Variants in ENPP7 observed in about 807,000 individuals in gnomAD.
The protein encoded by ENPP7 is ectonucleotide pyrophosphatase/phosphodiesterase 7, also known as ectonucleotide pyrophosphatase/phosphodiesterase family member 7.
In ENPP7, 39 loss-of-function variants were observed where a neutral mutation model predicts 33.6. That is an observed-to-expected ratio of 1.16 (90% CI 0.90 to 1.52). The LOEUF (loss-of-function observed/expected upper bound fraction) is 1.52. ENPP7 is among the 40% of genes most tolerant of loss of function. The pLI is 0.00. For synonymous variants in ENPP7, 244 were observed against 274.3 expected, an observed-to-expected ratio of 0.89 and a Z score of 1.09; for missense variants, 594 against 641.0, an observed-to-expected ratio of 0.93 and a Z score of 0.79.
chr17:79,736,053 G>A (rs953974622), intron 3 of ENPP7, among the ~76,000 whole-genome samples: 3 of 152,076 alleles, frequency 2.0e-5, no homozygotes, highest in African/African-American at 7.3e-5. Context: ...ACAGGCGCCT[G>A]CCACCATGCC....
chr17:79,737,980 C>T lies in ENPP7; in HGVS notation c.1311C>T (p.Pro437=). 3 of 1,613,790 alleles carry T rather than the reference C, an allele frequency of 1.9e-6. No individual in the cohort carries two copies. Residue 437 remains proline, a synonymous_variant, in exon 5 of 6, where the codon CCC becomes CCT. Coordinates refer to ENST00000328313, the MANE Select transcript of ENPP7 (RefSeq NM_178543.5). This position sits in a 1 kb window ranked among gnomAD's most constrained non-coding sequence, Gnocchi z 5.5. ...LLPKGRSALP[P]SSRPLLVMGL... ...CCAAGGGAAGATCTGCTCTCCCGCC[C>T]AGCAGCAGGCCCCTCCTCGTGATGG...
chr17:79,740,495 G>A (rs1555824381), intron 5 of ENPP7, among the ~76,000 whole-genome samples: 2 of 152,184 alleles, frequency 1.3e-5, no homozygotes, highest in African/African-American at 2.4e-5. Context: ...CTTGGGTCCT[G>A]AAGCAAGTCT....
intron 1 of ENPP7, among the ~76,000 whole-genome samples, chr17:79,732,006 G>A (rs755334029): frequency 1.3e-4 from 20 of 151,248 alleles, no homozygotes; most frequent in Non-Finnish European, 2.7e-4. Context: ...GCTGAGACAG[G>A]AGAATTGCAT....
At chr17:79,736,152 G>C (rs375110848) in intron 3 of ENPP7, among the ~76,000 whole-genome samples, 2 of 152,118 alleles carry the variant, frequency 1.3e-5, no homozygotes, top group Admixed American at 1.3e-4. Flanking sequence ...CGATCCACCC[G>C]CCTCAGCCTC....
chr17:79,741,886 C>G lies in ENPP7; in HGVS notation c.*109C>G, dbSNP rs1431337154. On this transcript the variant is annotated 3_prime_UTR_variant, in exon 6 of 6. Coordinates refer to ENST00000328313, the MANE Select transcript of ENPP7 (RefSeq NM_178543.5). Reference sequence around the variant, plus strand: ...ACGGACCCTGCCTCCCCAGCTTATCCCAGGCCAGAGGCTGCATGCCACTGT... The same window carrying G: ...ACGGACCCTGCCTCCCCAGCTTATCGCAGGCCAGAGGCTGCATGCCACTGT... 1 of 985,574 alleles carries G rather than the reference C, an allele frequency of 1.0e-6. No homozygotes were observed. The highest frequency in any genetic ancestry group is 1.2e-6 in the Non-Finnish European group (1 of 830,152). The allele number at this position is 985,574 out of a possible 1,614,324, so 61.1% of individuals were successfully genotyped here. A position where few individuals can be genotyped will look rare whatever the true frequency, so the allele number is the denominator to read the frequency against.
chr17:79,734,917 A>G, intron 2 of ENPP7, 126 bp from the exon 3 acceptor site: 1 of 953,352 alleles, frequency 1.0e-6, no homozygotes, highest in Non-Finnish European at 1.5e-6. Flanking sequence ...CCGCAGCTGC[A>G]GCTAGGAGCA....
rs150755220 is a variant in ENPP7 at position 79,735,304 on chromosome 17, C to G, written c.661C>G (p.Arg221Gly). Residue 221 changes from arginine (R) to glycine (G), a missense_variant, in exon 3 of 6, where the codon CGG (arginine) becomes GGG (glycine). By Grantham distance (125) the Arg-to-Gly change is moderately radical. This residue lies in a region of ENPP7 where 504 missense variants were observed against 512.8 expected (regional missense o/e 0.98). Transcript: ENST00000328313. The surrounding 1 kb of genome is among the most constrained non-coding windows in gnomAD (Gnocchi z 5.5). Reference sequence around the variant, plus strand: ...GAGGGAGATGGTGCGGCAGGTGGACCGGACCGTGGGCTACCTCCGGGAGAG... The same window carrying G: ...GAGGGAGATGGTGCGGCAGGTGGACGGGACCGTGGGCTACCTCCGGGAGAG... ...ERREMVRQVD[R>G]TVGYLRESIA... 2 of 1,613,170 alleles carry G rather than the reference C, an allele frequency of 1.2e-6. No homozygotes were observed. The highest frequency in any genetic ancestry group is 4.5e-5 in the East Asian group (2 of 44,874).
intron 3 of ENPP7, among the ~76,000 whole-genome samples, chr17:79,736,753 G>C (rs1442890456): frequency 6.6e-6 from 1 of 152,228 alleles, no homozygotes; most frequent in Non-Finnish European, 1.5e-5. Context: ...ATGGGAGGCA[G>C]CGTTCAACAC....
chr17:79,737,842 C>A lies in ENPP7; in HGVS notation c.1247-74C>A, dbSNP rs1555823940. 14 of 1,549,834 alleles carry A rather than the reference C, an allele frequency of 9.0e-6. No individual in the cohort carries two copies. Among genetic ancestry groups the A allele is most frequent in the African/African-American group, 6.8e-5 (5 of 73,612 alleles). On this transcript the variant is annotated intron_variant, in intron 4 of 5. Transcript: ENST00000328313. This position sits in a 1 kb window ranked among gnomAD's most constrained non-coding sequence, Gnocchi z 5.5. Reference sequence around the variant, plus strand: ...GGGCTCGTGGGGACCAACAGAGGACCCCGAGTTTACTGTGGAGAGGCTGGG... The same window carrying A: ...GGGCTCGTGGGGACCAACAGAGGACACCGAGTTTACTGTGGAGAGGCTGGG...
rs1481812605 is a variant in ENPP7, at chr17:79,739,436, G to C, written c.*16+1374G>C. The C allele has an allele frequency of 6.6e-6, 1 of 152,370 alleles. No homozygotes were observed. 9.4% of individuals were successfully genotyped at this position (152,370 alleles called of 1,614,324 possible). On this transcript the variant is annotated intron_variant, in intron 5 of 5. Transcript: ENST00000328313. This position sits in a 1 kb window ranked among gnomAD's most constrained non-coding sequence, Gnocchi z 4.4. ...TTGGAGGTGGCTGCAGGACCCAGCCGGACATTCCAGTGGCGGGGTGGAGAA... is the reference window on the plus strand; with the variant it reads ...TTGGAGGTGGCTGCAGGACCCAGCCCGACATTCCAGTGGCGGGGTGGAGAA...
chr17:79,736,344 T>C (rs781935692), intron 3 of ENPP7, among the ~76,000 whole-genome samples: 2 of 152,204 alleles, frequency 1.3e-5, no homozygotes, highest in Non-Finnish European at 2.9e-5. Flanking sequence ...TGGCCTCTCC[T>C]TCCATCTCCA....
At chr17:79,733,392 C>T (rs1568485652) in intron 1 of ENPP7, 116 bp from the exon 2 acceptor site, 1 of 1,105,968 alleles carries the variant, frequency 9.0e-7, no homozygotes, top group Non-Finnish European at 1.3e-6. Flanking sequence ...GCCCACTCCC[C>T]ACCCAGCACA....
Position 79,737,958 on chromosome 17 carries a change from A to G in ENPP7, c.1289A>G (p.Lys430Arg), listed in dbSNP as rs201434005. 10 of 1,613,844 alleles carry G rather than the reference A, an allele frequency of 6.2e-6. No homozygotes were observed. Among genetic ancestry groups the G allele is most frequent in the Non-Finnish European group, 7.6e-6 (9 of 1,180,008 alleles). The change falls in exon 5 of 6, where the codon AAG becomes AGG. Residue 430 changes from lysine to arginine, a missense_variant. Transcript: ENST00000328313. This position sits in a 1 kb window ranked among gnomAD's most constrained non-coding sequence, Gnocchi z 5.5. ...GATGGAAGGCCTACTCTCCTGCCCAAGGGAAGATCTGCTCTCCCGCCCAGC... is the reference window on the plus strand; with the variant it reads ...GATGGAAGGCCTACTCTCCTGCCCAGGGGAAGATCTGCTCTCCCGCCCAGC... ...PPDGRPTLLPKGRSALPPSSR... is the reference protein window; with the variant it reads ...PPDGRPTLLPRGRSALPPSSR...
At chr17:79,732,136 A>ATATATATACATATATATATG (rs2094287319) in intron 1 of ENPP7, among the ~76,000 whole-genome samples, 1 of 47,022 alleles carries the variant, frequency 2.1e-5, no homozygotes, top group Non-Finnish European at 3.7e-5. Flanking sequence ...ATATATGTAT[A>ATATATATACATATATATATG]TATATATATA....
At chr17:79,733,949 G>A (rs1008769700) in intron 2 of ENPP7, among the ~76,000 whole-genome samples, 3 of 152,204 alleles carry the variant, frequency 2.0e-5, no homozygotes, top group African/African-American at 7.2e-5. Context: ...CCTAGTCGGA[G>A]GGAGAACTGC....
intron 5 of ENPP7, among the ~76,000 whole-genome samples, chr17:79,740,479 C>T (rs1555824380): frequency 6.6e-6 from 1 of 152,114 alleles, no homozygotes; most frequent in Non-Finnish European, 1.5e-5. Context: ...TCTCTGTGCT[C>T]AGGGGCTTGG....
chr17:79,735,463 G>C lies in ENPP7; in HGVS notation c.820G>C (p.Glu274Gln), dbSNP rs369080546. 9 of 1,613,936 alleles carry C rather than the reference G, an allele frequency of 5.6e-6. No homozygotes were observed. The highest frequency in any genetic ancestry group is 1.3e-5 in the African/African-American group (1 of 74,904). ...KFPNFTFRDI[E>Q]FELLDYGPNG... ...CCCCAACTTCACCTTCCGGGACATC[G>C]AGTTTGAGCTCCTGGACTACGGACC... The change falls in exon 3 of 6, where the codon GAG becomes CAG. Residue 274 changes from glutamate (E) to glutamine (Q), a missense_variant. Around this residue, in one of 3 missense-constraint regions of ENPP7, gnomAD observed 504 missense variants for 512.8 expected, o/e 0.98. Transcript: ENST00000328313. The surrounding 1 kb of genome is among the most constrained non-coding windows in gnomAD (Gnocchi z 5.5).
intron 5 of ENPP7, among the ~76,000 whole-genome samples, chr17:79,741,487 C>T (rs1347559564): frequency 2.6e-5 from 4 of 152,140 alleles, no homozygotes; most frequent in Admixed American, 6.5e-5. Context: ...GGGACAGTGC[C>T]CACCCCTCCC....
chr17:79,735,730 T>A lies in ENPP7; in HGVS notation c.1026+61T>A. On this transcript the variant is annotated intron_variant, in intron 3 of 5. Coordinates refer to ENST00000328313, the MANE Select transcript of ENPP7 (RefSeq NM_178543.5). This position sits in a 1 kb window ranked among gnomAD's most constrained non-coding sequence, Gnocchi z 5.5. ...TCCCTCCCCAGGCTCTGGGTCTTCT[T>A]TTTTTTTTTTTGAGACCAGGGTCTT... 9.2e-7 allele frequency: 1 copy of A among 1,083,234 alleles called. No homozygotes were observed. Among genetic ancestry groups the A allele is most frequent in the Non-Finnish European group, 1.2e-6 (1 of 814,088 alleles). The allele number at this position is 1,083,234 out of a possible 1,614,324, so 67.1% of individuals were successfully genotyped here. A position where few individuals can be genotyped will look rare whatever the true frequency, so the allele number is the denominator to read the frequency against.
Sources: allele counts gnomAD v4.1 joint callset (sites outside exome capture counted in the v4.1 genomes callset), GRCh38; gene constraint gnomAD v4.1.1; regional missense constraint gnomAD v4.1.1; non-coding constraint Gnocchi (gnomAD v3.1); transcripts MANE v1.5; gene names NCBI Gene and HGNC (gene_info 2026-07-23, HGNC 2026-07-21).